The following CTNNA3 variants were observed in gnomAD, a reference collection of about 807,000 sequenced individuals.
CTNNA3 encodes the protein catenin alpha 3.
CTNNA3 carries 76 observed loss-of-function variants against 95.7 expected under a neutral mutation model. The observed-to-expected ratio is 0.79, with a 90% CI of 0.66 to 0.96. CTNNA3 has a LOEUF of 0.96. Among genes scored for constraint, CTNNA3 ranks in the 40% least tolerant of loss-of-function variants. The pLI is 0.00. For missense variants in CTNNA3, 1,191 were observed against 1,089.8 expected (o/e 1.09, Z -1.31); for synonymous variants, 431 against 374.4 (o/e 1.15, Z -1.74).
intron 11 of CTNNA3, among the ~76,000 whole-genome samples, chr10:66,501,498 T>G (rs2131965114): frequency 6.6e-6 from 1 of 152,302 alleles, no homozygotes; most frequent in Non-Finnish European, 1.5e-5. Flanking sequence ...TTATCCACCA[T>G]TTCATCTCTA....
At chr10:67,414,015 C>T (rs1448392362) in intron 5 of CTNNA3, among the ~76,000 whole-genome samples, 3 of 151,884 alleles carry the variant, frequency 2.0e-5, no homozygotes, top group Non-Finnish European at 4.4e-5. Context: ...TAACTTTGCA[C>T]CTACAGGAAC....
chr10:66,953,650 GA>G (rs1848649606), intron 7 of CTNNA3, among the ~76,000 whole-genome samples: 1 of 152,036 alleles, frequency 6.6e-6, no homozygotes, highest in African/African-American at 2.4e-5. Context: ...ATTGCTTAGA[GA>G]ATTTCATCTA....
At chr10:67,420,628 C>G (rs117947796) in intron 5 of CTNNA3, among the ~76,000 whole-genome samples, 483 of 152,178 alleles carry the variant, frequency 3.2e-3, no homozygotes, top group Middle Eastern at 0.01. Context: ...TGAGTTAGCT[C>G]ACATTATTAT....
chr10:66,319,781 T>A (rs1056691006), intron 12 of CTNNA3, among the ~76,000 whole-genome samples: 1 of 152,054 alleles, frequency 6.6e-6, no homozygotes, highest in Non-Finnish European at 1.5e-5. Flanking sequence ...CAAACAAACA[T>A]AAAACACCAA....
intron 15 of CTNNA3, among the ~76,000 whole-genome samples, chr10:66,018,187 TACAC>T (rs59373779): frequency 5.8e-4 from 83 of 142,156 alleles, no homozygotes; most frequent in Non-Finnish European, 7.6e-4. Flanking sequence ...ACAGCTCAAA[TACAC>T]ACACACACAC....
intron 7 of CTNNA3, among the ~76,000 whole-genome samples, chr10:67,107,099 G>A (rs1489042519): frequency 1.3e-5 from 2 of 152,086 alleles, no homozygotes; most frequent in Non-Finnish European, 2.9e-5. Context: ...AATTCAGATG[G>A]GCAAGACAAA....
chr10:66,563,906 C>A (rs1370989968), intron 10 of CTNNA3, among the ~76,000 whole-genome samples: 1 of 152,068 alleles, frequency 6.6e-6, no homozygotes, highest in African/African-American at 2.4e-5. Flanking sequence ...AGCCACCTCC[C>A]CACTTTGAGT....
intron 10 of CTNNA3, among the ~76,000 whole-genome samples, chr10:66,590,760 G>A (rs971333580): frequency 6.6e-6 from 1 of 151,860 alleles, no homozygotes; most frequent in Non-Finnish European, 1.5e-5. Flanking sequence ...TCTAAAGAGG[G>A]AGAAAAAACA....
chr10:66,121,484 T>A (rs933005777), intron 13 of CTNNA3, among the ~76,000 whole-genome samples: 12 of 150,494 alleles, frequency 8.0e-5, no homozygotes, highest in African/African-American at 2.9e-4. Context: ...ACACACACAC[T>A]ATCTTATATA....
intron 7 of CTNNA3, among the ~76,000 whole-genome samples, chr10:67,086,514 A>G (rs927089200): frequency 1.3e-5 from 2 of 152,006 alleles, no homozygotes; most frequent in African/African-American, 4.8e-5. Flanking sequence ...GCTCCTCTGC[A>G]ATATCCAAGT....
intron 5 of CTNNA3, among the ~76,000 whole-genome samples, chr10:67,499,226 G>T (rs769639441): frequency 6.6e-6 from 1 of 152,202 alleles, no homozygotes; most frequent in Admixed American, 6.5e-5. Context: ...TTTAGGTGAT[G>T]AATTACGTTT....
chr10:66,346,228 TATATATATATATATATATAG>T (rs1486075787), intron 12 of CTNNA3, among the ~76,000 whole-genome samples: 171 of 45,924 alleles, frequency 3.7e-3, no homozygotes, highest in Middle Eastern at 0.011. Flanking sequence ...TATATATATA[TATATATATATATATATATAG>T]AGAGAGAGAG....
intron 5 of CTNNA3, among the ~76,000 whole-genome samples, chr10:67,368,220 C>T (rs1233769305): frequency 6.6e-6 from 1 of 152,108 alleles, no homozygotes; most frequent in East Asian, 1.9e-4. Context: ...AGGCATCTCA[C>T]CAAAGAAGAT....
intron 12 of CTNNA3, among the ~76,000 whole-genome samples, chr10:66,310,804 C>A (rs988774469): frequency 1.3e-5 from 2 of 151,798 alleles, no homozygotes; most frequent in Non-Finnish European, 1.5e-5. Context: ...CTGCCTCAGC[C>A]TCCCAAGTAG....
intron 5 of CTNNA3, among the ~76,000 whole-genome samples, chr10:67,285,938 A>G (rs1369463905): frequency 4.6e-5 from 7 of 152,106 alleles, no homozygotes. Context: ...GAGCATTTTT[A>G]TTTTTTATAA....
intron 15 of CTNNA3, among the ~76,000 whole-genome samples, chr10:66,040,824 T>C (rs540142831): frequency 8.9e-4 from 136 of 152,250 alleles, no homozygotes; most frequent in African/African-American, 3.2e-3. Flanking sequence ...CAAATCTCCA[T>C]GACACAAGTT....
At chr10:66,664,385 AT>A (rs140811097) in intron 9 of CTNNA3, among the ~76,000 whole-genome samples, 4,697 of 152,154 alleles carry the variant, frequency 0.031, 237 homozygotes, top group African/African-American at 0.11. Flanking sequence ...AAAAGGAATA[AT>A]TTTAGGAAAC....
intron 12 of CTNNA3, among the ~76,000 whole-genome samples, chr10:66,288,514 G>A (rs1390930612): frequency 6.6e-6 from 1 of 152,030 alleles, no homozygotes; most frequent in Non-Finnish European, 1.5e-5. Flanking sequence ...CTAAAGTTGT[G>A]TTGTTTAATA....
chr10:66,432,188 T>C (rs886325903), intron 11 of CTNNA3, among the ~76,000 whole-genome samples: 2 of 152,116 alleles, frequency 1.3e-5, no homozygotes, highest in South Asian at 2.1e-4. Flanking sequence ...ATTCAGTTAA[T>C]GGTATAGTTT....
Sources: allele counts gnomAD v4.1 joint callset (sites outside exome capture counted in the v4.1 genomes callset), GRCh38; gene constraint gnomAD v4.1.1; transcripts MANE v1.5; gene names NCBI Gene and HGNC (gene_info 2026-07-23, HGNC 2026-07-21).